Variants in CCDC3 observed in about 807,000 individuals in gnomAD.
CCDC3 encodes coiled-coil domain containing 3, also known as coiled-coil domain-containing protein 3.
CCDC3 carries 24 observed loss-of-function variants against 21.4 expected under a neutral mutation model. The ratio of observed to expected loss-of-function variants is 1.12; its 90% CI spans 0.81 to 1.58. The LOEUF (loss-of-function observed/expected upper bound fraction) is 1.58. Among genes scored for constraint, CCDC3 ranks in the 40% most tolerant of loss-of-function variants. The pLI is 0.00. For missense variants in CCDC3, 425 were observed against 360.9 expected, an observed-to-expected ratio of 1.18 and a Z score of -1.44; for synonymous variants, 186 against 166.0, an observed-to-expected ratio of 1.12 and a Z score of -0.93.
chr10:13,000,600 G>A (rs998312293), intron 1 of CCDC3, among the ~76,000 whole-genome samples: 1 of 152,146 alleles, frequency 6.6e-6, no homozygotes, highest in African/African-American at 2.4e-5. Context: ...GCAATCCCGG[G>A]CTACATTCCA....
intron 2 of CCDC3, among the ~76,000 whole-genome samples, chr10:12,985,925 G>C (rs1031300856): frequency 4.6e-5 from 7 of 152,210 alleles, no homozygotes; most frequent in Non-Finnish European, 1.0e-4. Context: ...GCCCAGGCTG[G>C]AGTGCAGTGG....
intron 2 of CCDC3, among the ~76,000 whole-genome samples, chr10:12,930,921 A>C (rs190078851): frequency 6.6e-6 from 1 of 152,232 alleles, no homozygotes; most frequent in East Asian, 1.9e-4. Flanking sequence ...ATGGTCGCAA[A>C]TTTACTTGGC....
At chr10:12,986,743 A>C (rs1394766614) in intron 2 of CCDC3, among the ~76,000 whole-genome samples, 1 of 151,600 alleles carries the variant, frequency 6.6e-6, no homozygotes, top group Non-Finnish European at 1.5e-5. Flanking sequence ...ACTGCACCCC[A>C]GCCTGGGCGG....
chr10:12,955,723 TTG>T (rs1835073069), intron 2 of CCDC3, among the ~76,000 whole-genome samples: 1 of 151,510 alleles, frequency 6.6e-6, no homozygotes, highest in Admixed American at 6.6e-5. Context: ...CAGCTAATTT[TTG>T]TGTTTGTTTT....
intron 2 of CCDC3, among the ~76,000 whole-genome samples, chr10:12,905,346 G>A (rs761662884): frequency 2.6e-5 from 4 of 152,188 alleles, no homozygotes; most frequent in Admixed American, 6.5e-5. Context: ...TAGCTGCAAC[G>A]GCTGCTTCCA....
intron 2 of CCDC3, among the ~76,000 whole-genome samples, chr10:12,970,782 A>AG (rs2131264311): frequency 6.6e-6 from 1 of 151,786 alleles, no homozygotes; most frequent in East Asian, 1.9e-4. Context: ...GCTACTCAGG[A>AG]GGTTGAGTGA....
At chr10:13,033,105 A>T (rs1257528014) in intron 5 of CCDC3, among the ~76,000 whole-genome samples, 1 of 152,268 alleles carries the variant, frequency 6.6e-6, no homozygotes, top group South Asian at 2.1e-4. Context: ...ACAAGGCTAC[A>T]GTAACCAAAA....
intron 2 of CCDC3, among the ~76,000 whole-genome samples, chr10:12,971,871 T>G (rs918297120): frequency 4.6e-5 from 7 of 151,996 alleles, no homozygotes; most frequent in African/African-American, 1.7e-4. Flanking sequence ...GTATTTTTAG[T>G]AGAGACAGGG....
chr10:12,939,020 G>C (rs1201513188), intron 2 of CCDC3, among the ~76,000 whole-genome samples: 1 of 151,642 alleles, frequency 6.6e-6, no homozygotes, highest in Non-Finnish European at 1.5e-5. Context: ...CTATCTCTGA[G>C]AGGTTGGCTG....
At chr10:13,032,385 T>C (rs565828142) in intron 5 of CCDC3, among the ~76,000 whole-genome samples, 1 of 152,264 alleles carries the variant, frequency 6.6e-6, no homozygotes, top group African/African-American at 2.4e-5. Context: ...GCCAGTATCA[T>C]ACTGAATGGG....
intron 2 of CCDC3, among the ~76,000 whole-genome samples, chr10:12,957,987 TG>T (rs1835119597): frequency 6.6e-6 from 1 of 152,134 alleles, no homozygotes; most frequent in African/African-American, 2.4e-5. Context: ...ACACCACGTC[TG>T]GCTAATTTTT....
At chr10:13,021,071 T>A (rs1401980200) in intron 5 of CCDC3, among the ~76,000 whole-genome samples, 2 of 152,250 alleles carry the variant, frequency 1.3e-5, no homozygotes, top group Admixed American at 6.5e-5. Flanking sequence ...TTGTCATGTA[T>A]TTATTTTGTG....
intron 2 of CCDC3, among the ~76,000 whole-genome samples, chr10:12,922,150 T>G (rs998423239): frequency 2.0e-5 from 3 of 152,166 alleles, no homozygotes; most frequent in African/African-American, 7.2e-5. Flanking sequence ...TATCATCTGT[T>G]CAGCTTCTGC....
chr10:13,010,651 G>A (rs561606821), intron 5 of CCDC3, among the ~76,000 whole-genome samples: 5 of 152,260 alleles, frequency 3.3e-5, no homozygotes, highest in South Asian at 2.1e-4. Context: ...ATAAAGACTC[G>A]TATATGAATG....
At chr10:13,037,231 A>G (rs1836389349) in intron 5 of CCDC3, among the ~76,000 whole-genome samples, 3 of 152,202 alleles carry the variant, frequency 2.0e-5, no homozygotes, top group Admixed American at 2.0e-4. Context: ...ACGTTTTATC[A>G]CACATTTCAT....
At chr10:13,047,687 A>C (rs567398222) in intron 5 of CCDC3, among the ~76,000 whole-genome samples, 1 of 152,184 alleles carries the variant, frequency 6.6e-6, no homozygotes, top group South Asian at 2.1e-4. Flanking sequence ...CTGGATCTCC[A>C]TCCGTGCCCT....
At chr10:12,935,781 T>C (rs2131232229) in intron 2 of CCDC3, among the ~76,000 whole-genome samples, 1 of 151,996 alleles carries the variant, frequency 6.6e-6, no homozygotes, top group East Asian at 1.9e-4. Context: ...TTCTCCTGCC[T>C]CAACCTCTAG....
At chr10:13,073,548 C>T (rs573503445) in intron 4 of CCDC3, among the ~76,000 whole-genome samples, 2 of 151,702 alleles carry the variant, frequency 1.3e-5, no homozygotes, top group South Asian at 4.2e-4. Context: ...GTCACCCAGG[C>T]TGGCTCACTG....
At chr10:12,967,529 G>T (rs1448993015) in intron 2 of CCDC3, among the ~76,000 whole-genome samples, 1 of 151,824 alleles carries the variant, frequency 6.6e-6, no homozygotes, top group Non-Finnish European at 1.5e-5. Context: ...TTAATAAAAA[G>T]TTCAATAGAA....
Sources: gnomAD v4.1 joint callset for allele counts (sites outside exome capture counted in the v4.1 genomes callset) on GRCh38, gnomAD v4.1.1 for gene constraint, MANE v1.5 for transcripts, NCBI Gene and HGNC (gene_info 2026-07-23, HGNC 2026-07-21) for gene names.